The following NRG3 variants were observed in gnomAD, a reference collection of about 807,000 sequenced individuals.
NRG3 encodes neuregulin 3, also known as pro-neuregulin-3, membrane-bound isoform.
A neutral mutation model predicts 66.9 loss-of-function variants in NRG3; 31 were observed. The observed-to-expected ratio is 0.46, with a 90% CI of 0.35 to 0.63. The LOEUF is 0.63. Ranked by LOEUF, NRG3 falls within the 20% of genes least tolerant of loss-of-function variation. The pLI is 0.00. For synonymous variants in NRG3, 393 were observed against 359.4 expected, an observed-to-expected ratio of 1.09 and a Z score of -1.06; for missense variants, 910 against 878.9, an observed-to-expected ratio of 1.04 and a Z score of -0.45.
chr10:82,517,926 G>T (rs1242853537), intron 2 of NRG3, among the ~76,000 whole-genome samples: 1 of 152,044 alleles, frequency 6.6e-6, no homozygotes, highest in Admixed American at 6.6e-5. Flanking sequence ...CATTAAACAG[G>T]GACTTACATC....
chr10:82,016,473 C>T (rs569111029), intron 1 of NRG3, among the ~76,000 whole-genome samples: 25 of 151,082 alleles, frequency 1.7e-4, no homozygotes, highest in Admixed American at 1.2e-3. Context: ...GAGTACAAGA[C>T]GAGAGAGGCA....
At chr10:81,947,721 A>C (rs993041165) in intron 1 of NRG3, among the ~76,000 whole-genome samples, 2 of 151,992 alleles carry the variant, frequency 1.3e-5, no homozygotes, top group African/African-American at 4.8e-5. Flanking sequence ...GCACACCTGA[A>C]GTGTATGACC....
At chr10:82,349,591 A>G (rs949489562) in intron 1 of NRG3, among the ~76,000 whole-genome samples, 11 of 152,050 alleles carry the variant, frequency 7.2e-5, no homozygotes, top group South Asian at 2.1e-4. Context: ...GGTGGGCTCC[A>G]CCCAGTTCGA....
chr10:82,195,656 T>C (rs2074409670), intron 1 of NRG3, among the ~76,000 whole-genome samples: 1 of 152,196 alleles, frequency 6.6e-6, no homozygotes, highest in South Asian at 2.1e-4. Context: ...GAATATGTTA[T>C]TTGACATGGC....
At chr10:81,971,505 C>T (rs1395144341) in intron 1 of NRG3, among the ~76,000 whole-genome samples, 1 of 152,204 alleles carries the variant, frequency 6.6e-6, no homozygotes, top group Non-Finnish European at 1.5e-5. Flanking sequence ...ACTTACACTT[C>T]TGGCCCAGTT....
chr10:82,414,881 A>G (rs1434803521), intron 2 of NRG3, among the ~76,000 whole-genome samples: 1 of 151,938 alleles, frequency 6.6e-6, no homozygotes, highest in Non-Finnish European at 1.5e-5. Flanking sequence ...TTGAGGAAGA[A>G]CTCCTTCTTT....
At chr10:82,380,078 G>GT (rs1162625838) in intron 2 of NRG3, among the ~76,000 whole-genome samples, 1 of 151,952 alleles carries the variant, frequency 6.6e-6, no homozygotes, top group African/African-American at 2.4e-5. Context: ...TTTAACCACA[G>GT]TTTGTTGGAT....
intron 4 of NRG3, among the ~76,000 whole-genome samples, chr10:82,879,138 C>G (rs1381516086): frequency 6.6e-6 from 1 of 152,140 alleles, no homozygotes; most frequent in Non-Finnish European, 1.5e-5. Flanking sequence ...TTTATGTGTT[C>G]ACCTTTTTCT....
At chr10:82,134,739 C>T (rs11527929) in intron 1 of NRG3, among the ~76,000 whole-genome samples, 2,258 of 151,886 alleles carry the variant, frequency 0.015, 112 homozygotes, top group East Asian at 0.14. Context: ...CTTGGCTATT[C>T]GGGCTCTTTT....
chr10:82,731,035 G>A (rs893842114), intron 2 of NRG3, among the ~76,000 whole-genome samples: 1 of 151,980 alleles, frequency 6.6e-6, no homozygotes, highest in African/African-American at 2.4e-5. Context: ...TTTGGTTTTG[G>A]TTTTGGCTTT....
At chr10:82,815,854 C>A (rs572468178) in intron 3 of NRG3, among the ~76,000 whole-genome samples, 1 of 152,182 alleles carries the variant, frequency 6.6e-6, no homozygotes, top group Non-Finnish European at 1.5e-5. Flanking sequence ...TGTGGGCAAG[C>A]AAGCACGGAG....
chr10:82,903,688 A>G (rs1229595959), intron 4 of NRG3, among the ~76,000 whole-genome samples: 1 of 152,104 alleles, frequency 6.6e-6, no homozygotes, highest in Non-Finnish European at 1.5e-5. Flanking sequence ...AGCTTATCTT[A>G]TTGTAATAAT....
Position 82,985,476 on chromosome 10 carries a change from C to A in NRG3, c.1962C>A (p.Ser654Arg). 6.2e-7 allele frequency: 1 copy of A among 1,614,058 alleles called. No homozygotes were observed. Among genetic ancestry groups the A allele is most frequent in the Non-Finnish European group, 8.5e-7 (1 of 1,180,002 alleles). ...ARRSEDYELA[S>R]VETEDSASEN... ...GGTCAGAAGACTACGAACTGGCCAG[C>A]GTAGAAACCGAGGACAGTGCAAGCG... is the stretch of plus-strand genomic sequence containing the variant. Residue 654 changes from serine (S) to arginine (R), a missense_variant, in exon 9 of 9, where the codon AGC (serine) becomes AGA (arginine). Transcript: ENST00000372141.
intron 2 of NRG3, among the ~76,000 whole-genome samples, chr10:82,581,830 A>G (rs747481163): frequency 1.3e-5 from 2 of 152,026 alleles, no homozygotes; most frequent in Non-Finnish European, 2.9e-5. Flanking sequence ...TTGTTATCTT[A>G]TAGAAGTTTT....
intron 5 of NRG3, among the ~76,000 whole-genome samples, chr10:82,955,394 T>G (rs1192648223): frequency 1.3e-5 from 2 of 151,986 alleles, no homozygotes; most frequent in Non-Finnish European, 2.9e-5. Flanking sequence ...GAACTATTAA[T>G]TGAGCCTGTC....
At chr10:82,739,598 T>C (rs1027659673) in intron 3 of NRG3, among the ~76,000 whole-genome samples, 1 of 152,242 alleles carries the variant, frequency 6.6e-6, no homozygotes, top group Non-Finnish European at 1.5e-5. Context: ...TCAAAATGCA[T>C]ATTTTCATTT....
At chr10:81,962,190 G>C (rs1004303547) in intron 1 of NRG3, among the ~76,000 whole-genome samples, 1 of 152,180 alleles carries the variant, frequency 6.6e-6, no homozygotes, top group Non-Finnish European at 1.5e-5. Flanking sequence ...TATGGCTTCA[G>C]CCATGTTAAA....
chr10:82,748,061 A>G (rs2058714977), intron 3 of NRG3, among the ~76,000 whole-genome samples: 1 of 151,078 alleles, frequency 6.6e-6, no homozygotes, highest in Non-Finnish European at 1.5e-5. Context: ...TAATTATATA[A>G]TATATAATTA....
rs1277459874 is a variant in NRG3, at chr10:82,783,190, G to A, written c.1027+44540G>A. ...GCTAAAAACTCTCAATAAATTAGGT[G>A]TTGATGGGACGTATCTCAAAATAAT... is the stretch of plus-strand genomic sequence containing the variant. On this transcript the variant is annotated intron_variant, in intron 3 of 8. Coordinates refer to ENST00000372141, the MANE Select transcript of NRG3 (RefSeq NM_001010848.4). Among the ~76,000 whole-genome samples, 5 of 152,100 alleles carry A rather than the reference G, an allele frequency of 3.3e-5. No homozygotes were observed. The East Asian group carries it at 9.7e-4, about 29-fold the overall frequency.
Sources: gnomAD v4.1 joint callset for allele counts (sites outside exome capture counted in the v4.1 genomes callset) on GRCh38, gnomAD v4.1.1 for gene constraint, MANE v1.5 for transcripts, NCBI Gene and HGNC (gene_info 2026-07-23, HGNC 2026-07-21) for gene names.